ZNF512: variants seen among roughly 807,000 people sequenced by gnomAD.
The protein encoded by ZNF512 is zinc finger protein 512.
ZNF512 carries 25 observed loss-of-function variants against 77.5 expected under a neutral mutation model. The ratio of observed to expected loss-of-function variants is 0.32; its 90% CI spans 0.23 to 0.45. The LOEUF (loss-of-function observed/expected upper bound fraction) is 0.45, where lower values mean the gene tolerates loss of function less well. Among genes scored for constraint, ZNF512 ranks in the 20% least tolerant of loss-of-function variants. The pLI, the probability that ZNF512 is intolerant of heterozygous loss-of-function variation, is 1.00. For missense variants in ZNF512, 483 were observed against 692.6 expected, an observed-to-expected ratio of 0.70 and a Z score of 3.40; for synonymous variants, 246 against 239.9, an observed-to-expected ratio of 1.03 and a Z score of -0.24.
chr2:27,597,090 A>G (rs1429327651), intron 2 of ZNF512, among the ~76,000 whole-genome samples: 6 of 152,358 alleles, frequency 3.9e-5, no homozygotes, highest in African/African-American at 1.4e-4. Flanking sequence ...AGTATTCCAT[A>G]GTAGGCATCT....
intron 7 of ZNF512, 75 bp downstream of exon 7, chr2:27,601,517 C>G: frequency 3.1e-6 from 4 of 1,280,030 alleles, no homozygotes; most frequent in Non-Finnish European, 4.4e-6. Flanking sequence ...CTCTGTTGCC[C>G]AGGCTGGAGT....
chr2:27,602,858 A>T (rs1259943516), intron 8 of ZNF512, among the ~76,000 whole-genome samples: 1 of 151,762 alleles, frequency 6.6e-6, no homozygotes, highest in East Asian at 1.9e-4. Context: ...TGATATTGGG[A>T]TGGGGTTGGA....
chr2:27,590,856 T>G (rs1671537495), intron 2 of ZNF512, among the ~76,000 whole-genome samples: 1 of 152,154 alleles, frequency 6.6e-6, no homozygotes, highest in Admixed American at 6.5e-5. Context: ...TTCTTAAAAA[T>G]CCAAGTTTCT....
intron 13 of ZNF512, 106 bp downstream of exon 13, chr2:27,617,677 G>T: frequency 1.5e-6 from 1 of 652,284 alleles, no homozygotes. Context: ...TCTCTAAAGT[G>T]GTTACCAGAG....
At chr2:27,587,353 C>A (rs1405585010) in intron 2 of ZNF512, among the ~76,000 whole-genome samples, 1 of 150,606 alleles carries the variant, frequency 6.6e-6, no homozygotes, top group Non-Finnish European at 1.5e-5. Flanking sequence ...CCTGGCTCAC[C>A]GAACCCTTTG....
intron 7 of ZNF512, among the ~76,000 whole-genome samples, 160 bp from the exon 8 acceptor site, chr2:27,602,303 G>A (rs1672149700): frequency 6.6e-6 from 1 of 152,164 alleles, no homozygotes; most frequent in Non-Finnish European, 1.5e-5. Context: ...CACTTCCTTT[G>A]TCCAGGAGAA....
intron 2 of ZNF512, among the ~76,000 whole-genome samples, chr2:27,586,427 A>G (rs1476294507): frequency 1.3e-5 from 2 of 152,080 alleles, no homozygotes; most frequent in Non-Finnish European, 2.9e-5. Flanking sequence ...AAGGGGTTTC[A>G]CAGTGTTGCC....
At chr2:27,608,514 CCTT>C (rs1010822675) in intron 10 of ZNF512, among the ~76,000 whole-genome samples, 12 of 151,958 alleles carry the variant, frequency 7.9e-5, no homozygotes, top group African/African-American at 2.7e-4. Flanking sequence ...GTCTACTTGG[CCTT>C]CTTCTTCTTG....
intron 10 of ZNF512, among the ~76,000 whole-genome samples, chr2:27,613,958 A>G (rs946817616): frequency 1.3e-5 from 2 of 152,092 alleles, no homozygotes; most frequent in East Asian, 1.9e-4. Flanking sequence ...ACTATGTACT[A>G]TGGAGCTGTA....
At position 27,621,522 on chromosome 2, in the gene ZNF512, T is replaced by G; in HGVS notation, c.*61T>G. ...GTGATGCTGTTGTCACGGGGACCTG[T>G]GCTGGGAGGACTGAGTGAAGATTCT... On this transcript the variant is annotated 3_prime_UTR_variant, in exon 14 of 14. Transcript: ENST00000355467. The G allele has an allele frequency of 6.7e-7, 1 of 1,491,334 alleles. No individual in the cohort carries two copies. Among genetic ancestry groups the G allele is most frequent in the Non-Finnish European group, 8.9e-7 (1 of 1,120,086 alleles). The allele number at this position is 1,491,334 out of a possible 1,614,324, so 92.4% of individuals were successfully genotyped here.
chr2:27,600,094 C>A (rs1415424493), intron 5 of ZNF512, 41 bp downstream of exon 5: 1 of 1,592,478 alleles, frequency 6.3e-7, no homozygotes, highest in Admixed American at 1.7e-5. Context: ...GTAGTTCTCA[C>A]ACTCTGATTT....
At chr2:27,583,561 G>A (rs1671206273) in intron 1 of ZNF512, 97 bp from the exon 2 acceptor site, 2 of 1,547,266 alleles carry the variant, frequency 1.3e-6, no homozygotes, top group East Asian at 2.4e-5. Flanking sequence ...GGTTTCCCCG[G>A]GAGAACTTCA....
chr2:27,610,649 C>CGGTTCACTGCATCCTCTGCCTCCCA (rs1672618343), intron 10 of ZNF512, among the ~76,000 whole-genome samples: 1 of 125,752 alleles, frequency 8.0e-6, no homozygotes, highest in East Asian at 2.6e-4. Flanking sequence ...GGCGTGATCT[C>CGGTTCACTGCATCCTCTGCCTCCCA]GGTTCACTGC....
At chr2:27,603,109 ATTATAGT>A (rs750679883) in intron 8 of ZNF512, 24 bp from the exon 9 acceptor site, 1 of 1,610,176 alleles carries the variant, frequency 6.2e-7, no homozygotes, top group African/African-American at 1.3e-5. Context: ...AAGATGTAAG[ATTATAGT>A]TTAGGCTTCT....
intron 10 of ZNF512, among the ~76,000 whole-genome samples, chr2:27,610,363 C>CA (rs1196304579): frequency 3.0e-3 from 307 of 103,094 alleles, no homozygotes; most frequent in Middle Eastern, 6.3e-3. Flanking sequence ...GACTCCGTAT[C>CA]AAAAAAAAAA....
intron 4 of ZNF512, 131 bp from the exon 5 acceptor site, chr2:27,599,838 TC>T: frequency 8.2e-7 from 1 of 1,214,646 alleles, no homozygotes. Context: ...TTATACCCTT[TC>T]ATTCTGTCCT....
intron 1 of ZNF512, chr2:27,583,348 A>C: frequency 1.5e-6 from 2 of 1,300,518 alleles, no homozygotes; most frequent in African/African-American, 1.5e-5. Context: ...TCCTCGCCAC[A>C]TTACCATTAG....
rs75388324 is a variant in ZNF512 at position 27,593,513 on chromosome 2, G to C, written c.90-4554G>C. Among the ~76,000 whole-genome samples the C allele has an allele frequency of 5.0e-3, 763 of 152,202 alleles. 4 individuals are homozygous for C. The highest frequency in any genetic ancestry group is 0.017 in the African/African-American group (725 of 41,512). ...TGTGCACCTGTGGTTCCAGCTACTCGGGTATGGTGAGGTGAGAGGATCACT... is the reference window on the plus strand; with the variant it reads ...TGTGCACCTGTGGTTCCAGCTACTCCGGTATGGTGAGGTGAGAGGATCACT... On this transcript the variant is annotated intron_variant, in intron 2 of 13. Coordinates refer to ENST00000355467, the MANE Select transcript of ZNF512 (RefSeq NM_032434.4).
In ZNF512 at chr2:27,621,410, G is replaced by T; in HGVS notation, c.1653G>T (p.Gln551His). Residue 551 changes from glutamine (Q) to histidine (H), a missense_variant, in exon 14 of 14, where the codon CAG becomes CAT. Gln to His is a conservative substitution (Grantham distance 24). Coordinates refer to ENST00000355467, the MANE Select transcript of ZNF512 (RefSeq NM_032434.4). ...KEPEQEPVPA[Q>H]FQKVKPPKTN... ...CAGAGCAGGAGCCAGTGCCAGCACA[G>T]TTCCAGAAAGTAAAGCCCCCAAAGA... is the stretch of plus-strand genomic sequence containing the variant. 6.2e-7 allele frequency: 1 copy of T among 1,613,768 alleles called. No individual in the cohort carries two copies. Among genetic ancestry groups the T allele is most frequent in the African/African-American group, 1.3e-5 (1 of 75,040 alleles).
Sources: allele counts gnomAD v4.1 joint callset (sites outside exome capture counted in the v4.1 genomes callset), GRCh38; gene constraint gnomAD v4.1.1; transcripts MANE v1.5; gene names NCBI Gene and HGNC (gene_info 2026-07-23, HGNC 2026-07-21).